Variants in HAO1 observed in about 807,000 individuals in gnomAD.
HAO1 encodes hydroxyacid oxidase 1.
Under a neutral mutation model 39.7 loss-of-function variants are expected in HAO1, and 34 were observed. The ratio of observed to expected loss-of-function variants is 0.86; its 90% CI spans 0.65 to 1.14. The LOEUF (loss-of-function observed/expected upper bound fraction) is 1.14, where lower values mean the gene tolerates loss of function less well. Among genes scored for constraint, HAO1 ranks in the 50% most tolerant of loss-of-function variants. HAO1 has a pLI of 0.00. For synonymous variants in HAO1, 172 were observed against 173.2 expected, an observed-to-expected ratio of 0.99 and a Z score of 0.05; for missense variants, 479 against 464.5, an observed-to-expected ratio of 1.03 and a Z score of -0.29.
At chr20:7,900,238 A>T (rs1217438310) in intron 4 of HAO1, among the ~76,000 whole-genome samples, 3 of 152,146 alleles carry the variant, frequency 2.0e-5, no homozygotes, top group Admixed American at 1.3e-4. Flanking sequence ...GTTTTTTAGA[A>T]ATTGGAAATC....
rs192571301 is a variant in HAO1, at chr20:7,933,663, T to C, written c.289+821A>G. On this transcript the variant is annotated intron_variant, in intron 2 of 7. Coordinates refer to ENST00000378789, the MANE Select transcript of HAO1 (RefSeq NM_017545.3). Reference sequence around the variant, plus strand: ...TCCTTAATTCTTAAAACTAAAATGTTTTAAAATATTATATAGTCGTGTTCT... The same window carrying C: ...TCCTTAATTCTTAAAACTAAAATGTCTTAAAATATTATATAGTCGTGTTCT... Among the ~76,000 whole-genome samples the C allele has an allele frequency of 1.1e-4, 16 of 152,350 alleles. 1 individual carries two copies. In the East Asian group the frequency reaches 3.1e-3, roughly 29 times the overall value.
chr20:7,926,059 G>T (rs1159345531), intron 2 of HAO1, among the ~76,000 whole-genome samples: 2 of 151,178 alleles, frequency 1.3e-5, no homozygotes, highest in Non-Finnish European at 3.0e-5. Context: ...ATGTGTGTTT[G>T]TGTGTGTGTG....
rs2050296359 is a variant in HAO1, at chr20:7,914,369, A to T, written c.340T>A (p.Ser114Thr). ...GMMLSSWATSSIEEVAEAGPE... is the reference protein window; with the variant it reads ...GMMLSSWATSTIEEVAEAGPE... The stretch of plus-strand genomic sequence containing the variant: ...CCAGCTTCCGCCACTTCTTCAATTG[A>T]GGAGGTGGCCCAGGAACTCAACATC... Residue 114 changes from serine (S) to threonine (T), a missense_variant, in exon 3 of 8, where the codon TCA (serine) becomes ACA (threonine). Transcript: ENST00000378789. The T allele has an allele frequency of 1.2e-6, 2 of 1,613,924 alleles. No homozygotes were observed. The highest frequency in any genetic ancestry group is 2.2e-5 in the South Asian group (2 of 91,082).
intron 5 of HAO1, among the ~76,000 whole-genome samples, chr20:7,894,728 A>G (rs1455103832): frequency 6.6e-6 from 1 of 152,122 alleles, no homozygotes; most frequent in African/African-American, 2.4e-5. Flanking sequence ...TCTCAATTGT[A>G]CTGATGATCT....
At chr20:7,893,715 AC>A (rs998169586) in intron 5 of HAO1, among the ~76,000 whole-genome samples, 1 of 151,872 alleles carries the variant, frequency 6.6e-6, no homozygotes. Flanking sequence ...CCACTTTCCA[AC>A]CCCTTCCCCA....
intron 4 of HAO1, among the ~76,000 whole-genome samples, chr20:7,904,265 T>G (rs1393055919): frequency 6.6e-6 from 1 of 152,150 alleles, no homozygotes; most frequent in Non-Finnish European, 1.5e-5. Context: ...AATTATCTCT[T>G]TTCTGGGCAA....
At chr20:7,893,362 G>A (rs1600106459) in intron 5 of HAO1, among the ~76,000 whole-genome samples, 1 of 152,164 alleles carries the variant, frequency 6.6e-6, no homozygotes, top group South Asian at 2.1e-4. Flanking sequence ...GATGATAACA[G>A]CTCTTTACCA....
At position 7,883,775 on chromosome 20, in the gene HAO1, G is replaced by A. The variant is rs569517162; in HGVS notation, c.1043-112C>T. 14 of 919,588 alleles carry A rather than the reference G, an allele frequency of 1.5e-5. No homozygotes were observed. The South Asian group carries it at 1.6e-4, about 11-fold the overall frequency. The allele number at this position is 919,588 out of a possible 1,614,324, so 57.0% of individuals were successfully genotyped here. On this transcript the variant is annotated intron_variant, in intron 7 of 7. Coordinates refer to ENST00000378789, the MANE Select transcript of HAO1 (RefSeq NM_017545.3). ...ACAAATGTAAGGTTTATGATTCAAGGTAGGCTTGCCAAATCTTATGTGGCA... is the reference window on the plus strand; with the variant it reads ...ACAAATGTAAGGTTTATGATTCAAGATAGGCTTGCCAAATCTTATGTGGCA...
intron 2 of HAO1, among the ~76,000 whole-genome samples, chr20:7,932,315 A>C (rs2050389618): frequency 1.3e-5 from 2 of 152,172 alleles, no homozygotes; most frequent in African/African-American, 2.4e-5. Flanking sequence ...AGGAACTAAT[A>C]CATGTGGTAA....
At chr20:7,898,230 C>G (rs966905036) in intron 4 of HAO1, among the ~76,000 whole-genome samples, 13 of 152,162 alleles carry the variant, frequency 8.5e-5, no homozygotes, top group South Asian at 6.2e-4. Flanking sequence ...ACTACCCTCT[C>G]TGCCATCCTT....
intron 5 of HAO1, among the ~76,000 whole-genome samples, chr20:7,892,057 C>T (rs1600106037): frequency 6.6e-6 from 1 of 152,184 alleles, no homozygotes; most frequent in Middle Eastern, 3.4e-3. Context: ...CTGACAACTT[C>T]CAGTTTTCAT....
intron 2 of HAO1, among the ~76,000 whole-genome samples, chr20:7,928,902 G>A (rs191387052): frequency 6.6e-6 from 1 of 152,218 alleles, no homozygotes; most frequent in East Asian, 1.9e-4. Flanking sequence ...ATTGTACATA[G>A]AAATCAAGAT....
At chr20:7,906,030 A>G (rs2050245923) in intron 4 of HAO1, 124 bp downstream of exon 4, 7 of 731,240 alleles carry the variant, frequency 9.6e-6, no homozygotes, top group South Asian at 1.6e-5. Flanking sequence ...GAGAATTGAG[A>G]GTTGGAATGT....
intron 4 of HAO1, among the ~76,000 whole-genome samples, chr20:7,905,095 T>C (rs139941181): frequency 5.3e-5 from 8 of 152,354 alleles, no homozygotes; most frequent in African/African-American, 1.9e-4. Flanking sequence ...ATATGATTAC[T>C]ACACATTGTA....
chr20:7,908,882 C>A (rs541108012), intron 3 of HAO1, among the ~76,000 whole-genome samples: 1 of 152,166 alleles, frequency 6.6e-6, no homozygotes, highest in East Asian at 1.9e-4. Flanking sequence ...ACCATGGAGA[C>A]CTATTTCATT....
Position 7,906,266 on chromosome 20 carries a change from A to C in HAO1, c.609T>G (p.Ser203Arg), listed in dbSNP as rs1255953551. The C allele has an allele frequency of 6.2e-7, 1 of 1,612,128 alleles. No individual in the cohort carries two copies. Residue 203 changes from serine (S) to arginine (R), a missense_variant, in exon 4 of 8, where the codon AGT becomes AGG. Physicochemically the swap from Ser to Arg is moderately radical, Grantham distance 110. Coordinates refer to ENST00000378789, the MANE Select transcript of HAO1 (RefSeq NM_017545.3). The part of the protein sequence containing the change: ...FSPEENFGDD[S>R]GLAAYVAKAI... ...CTTTAGCCACATATGCAGCAAGTCC[A>C]CTGTCGTCTCCAAAATTTTCCTCAG...
chr20:7,940,210 T>C (rs2050434407), intron 1 of HAO1, 76 bp downstream of exon 1: 2 of 1,247,216 alleles, frequency 1.6e-6, no homozygotes, highest in South Asian at 2.9e-5. Context: ...ACCACCAACG[T>C]AAAACTAGGA....
Position 7,910,949 on chromosome 20 carries a change from A to G in HAO1, c.545+3215T>C, listed in dbSNP as rs188388311. On this transcript the variant is annotated intron_variant, in intron 3 of 7. Transcript: ENST00000378789. ...CCATCAATTTTTATTGTGGTTTCCC[A>G]ATATAGACATGTATATCCATTCCTA... 5.9e-5 allele frequency among the ~76,000 whole-genome samples: 9 copies of G among 151,370 alleles called. No homozygotes were observed. In the East Asian group the frequency reaches 1.7e-3, roughly 29 times the overall value.
chr20:7,898,140 G>A (rs2050205633), intron 4 of HAO1, among the ~76,000 whole-genome samples: 1 of 152,188 alleles, frequency 6.6e-6, no homozygotes, highest in African/African-American at 2.4e-5. Context: ...TGCATAAGAA[G>A]TAGGGTGGGA....
Sources: gnomAD v4.1 joint callset for allele counts (sites outside exome capture counted in the v4.1 genomes callset) on GRCh38, gnomAD v4.1.1 for gene constraint, MANE v1.5 for transcripts, NCBI Gene and HGNC (gene_info 2026-07-23, HGNC 2026-07-21) for gene names.